The following SIPA1L3 variants were observed in gnomAD, a reference collection of about 807,000 sequenced individuals.
The protein encoded by SIPA1L3 is signal-induced proliferation-associated 1-like protein 3.
Under a neutral mutation model 150.1 loss-of-function variants are expected in SIPA1L3, and 59 were observed. The ratio of observed to expected loss-of-function variants is 0.39; its 90% CI spans 0.32 to 0.49. The LOEUF is 0.49. Among genes scored for constraint, SIPA1L3 ranks in the 20% least tolerant of loss-of-function variants. The pLI is 0.86. For synonymous variants in SIPA1L3, 1,070 were observed against 1,077.6 expected, an observed-to-expected ratio of 0.99 and a Z score of 0.14; for missense variants, 2,211 against 2,489.5, an observed-to-expected ratio of 0.89 and a Z score of 2.38.
chr19:38,004,571 C>T (rs1434922703), intron 1 of SIPA1L3, among the ~76,000 whole-genome samples: 1 of 152,182 alleles, frequency 6.6e-6, no homozygotes, highest in Admixed American at 6.5e-5. Context: ...CTGCCAGGAC[C>T]CGCTCAGGCT....
intron 10 of SIPA1L3, among the ~76,000 whole-genome samples, chr19:38,136,560 C>T (rs2005054): frequency 0.18 from 28,023 of 151,990 alleles, 2,979 homozygotes; most frequent in African/African-American, 0.29. Flanking sequence ...GCCAAGACTG[C>T]GTCACTACAC....
rs71179411 is a variant in SIPA1L3 at position 38,098,392 on chromosome 19, AT to A, written c.1666-1548del. On this transcript the variant is annotated intron_variant, in intron 4 of 21. Coordinates refer to ENST00000222345, the MANE Select transcript of SIPA1L3 (RefSeq NM_015073.3). ...AGTGGGCAGGTGGAAAGGGGCTTTCATTTTTTTTTTTTTTTTTTTTTTGAGA... is the reference window on the plus strand; with the variant it reads ...AGTGGGCAGGTGGAAAGGGGCTTTCATTTTTTTTTTTTTTTTTTTTTGAGA... 6.5e-3 allele frequency among the ~76,000 whole-genome samples: 744 copies of A among 113,674 alleles called. 5 individuals carry two copies. Among genetic ancestry groups the A allele is most frequent in the East Asian group, 0.043 (157 of 3,686 alleles). The allele number at this position is 113,674 out of a possible 152,430, so 74.6% of individuals were successfully genotyped here.
chr19:38,194,702 TG>T (rs1647105495), intron 18 of SIPA1L3, among the ~76,000 whole-genome samples: 2 of 151,996 alleles, frequency 1.3e-5, no homozygotes, highest in African/African-American at 4.8e-5. Flanking sequence ...CTGTGGGGGA[TG>T]GGGTGGAGGA....
At chr19:38,005,974 C>T (rs1003837112) in intron 1 of SIPA1L3, among the ~76,000 whole-genome samples, 5 of 152,152 alleles carry the variant, frequency 3.3e-5, no homozygotes, top group African/African-American at 1.2e-4. Flanking sequence ...CTTAAGCCCC[C>T]GAGGTTGAGC....
chr19:38,181,172 C>T (rs1331965494), intron 15 of SIPA1L3, among the ~76,000 whole-genome samples: 1 of 152,186 alleles, frequency 6.6e-6, no homozygotes, highest in Non-Finnish European at 1.5e-5. Flanking sequence ...ATACATGCTT[C>T]TCAAATTGTT....
chr19:38,072,178 A>G (rs1969736798), intron 2 of SIPA1L3, among the ~76,000 whole-genome samples: 1 of 152,180 alleles, frequency 6.6e-6, no homozygotes, highest in African/African-American at 2.4e-5. Context: ...CCATGTGGCT[A>G]TGAGTTACTT....
intron 1 of SIPA1L3, among the ~76,000 whole-genome samples, chr19:38,001,175 T>A (rs928449710): frequency 2.6e-5 from 4 of 151,870 alleles, no homozygotes; most frequent in African/African-American, 9.7e-5. Flanking sequence ...TACTTCAGAA[T>A]AAAGCTCTCT....
chr19:37,970,428 C>T (rs1966903180), intron 1 of SIPA1L3, among the ~76,000 whole-genome samples: 1 of 152,192 alleles, frequency 6.6e-6, no homozygotes, highest in African/African-American at 2.4e-5. Context: ...CATTTTAATA[C>T]TTGGTTATTG....
Position 37,914,686 on chromosome 19 carries a change from C to CT in SIPA1L3, c.-379+7329dup, listed in dbSNP as rs570054378. Among the ~76,000 whole-genome samples the CT allele has an allele frequency of 9.3e-4, 142 of 152,122 alleles. 1 individual carries two copies. Among genetic ancestry groups the CT allele is most frequent in the African/African-American group, 3.4e-3 (140 of 41,518 alleles). On this transcript the variant is annotated intron_variant, in intron 1 of 21. Transcript: ENST00000222345. Reference sequence around the variant, plus strand: ...GCCACTGCAGCCGGCCACATTTTTTCTATTTTTTGTAGAGACCTGTTTTGC... The same window carrying CT: ...GCCACTGCAGCCGGCCACATTTTTTCTTATTTTTTGTAGAGACCTGTTTTGC...
chr19:38,191,381 C>T (rs529161597), intron 16 of SIPA1L3, among the ~76,000 whole-genome samples: 7 of 149,026 alleles, frequency 4.7e-5, no homozygotes, highest in African/African-American at 1.5e-4. Flanking sequence ...GCCTGGGCAA[C>T]GGAGGAGGCT....
At chr19:38,044,068 G>C (rs1266896210) in intron 2 of SIPA1L3, among the ~76,000 whole-genome samples, 1 of 152,182 alleles carries the variant, frequency 6.6e-6, no homozygotes, top group Non-Finnish European at 1.5e-5. Context: ...GAGTACTGAT[G>C]GCCTGGATGT....
chr19:37,927,958 C>T (rs2046521280), intron 1 of SIPA1L3, among the ~76,000 whole-genome samples: 1 of 152,084 alleles, frequency 6.6e-6, no homozygotes, highest in Admixed American at 6.6e-5. Context: ...TGATGGGCAT[C>T]CGGGTTGATT....
intron 4 of SIPA1L3, among the ~76,000 whole-genome samples, chr19:38,090,850 G>C (rs767025910): frequency 3.3e-5 from 5 of 152,222 alleles, no homozygotes; most frequent in African/African-American, 9.6e-5. Context: ...CCTTCCCACT[G>C]AGTTGGGGGA....
chr19:38,138,365 G>A (rs1166596328), intron 10 of SIPA1L3, among the ~76,000 whole-genome samples: 1 of 152,114 alleles, frequency 6.6e-6, no homozygotes, highest in Non-Finnish European at 1.5e-5. Flanking sequence ...TTTAAAAGGT[G>A]ATGTACTGAT....
intron 4 of SIPA1L3, among the ~76,000 whole-genome samples, chr19:38,098,063 T>C (rs928144272): frequency 2.0e-5 from 3 of 152,246 alleles, no homozygotes; most frequent in South Asian, 2.1e-4. Context: ...CTCCCTTGAA[T>C]AGACCTATAC....
Position 38,119,593 on chromosome 19 carries a change from G to T in SIPA1L3, c.2579G>T (p.Arg860Leu). ...AAGAAGAAGGAAAAGACAAAAGCAC[G>T]GGCTGGCGCTGAGCAGCACAGTGCA... ...TSKKKEKTKA[R>L]AGAEQHSAGA... Residue 860 changes from arginine to leucine, a missense_variant, in exon 9 of 22, where the codon CGG becomes CTG. Arg to Leu is a moderately radical substitution (Grantham distance 102, BLOSUM62 -2). Transcript: ENST00000222345. The T allele has an allele frequency of 1.9e-6, 3 of 1,614,202 alleles. No individual in the cohort carries two copies. The highest frequency in any genetic ancestry group is 2.5e-6 in the Non-Finnish European group (3 of 1,180,048).
At chr19:38,129,096 G>A (rs753172258) in intron 9 of SIPA1L3, among the ~76,000 whole-genome samples, 4 of 152,146 alleles carry the variant, frequency 2.6e-5, no homozygotes, top group Admixed American at 6.6e-5. Flanking sequence ...AGCCATGGCT[G>A]GTTACATTCA....
At chr19:38,016,083 T>TA (rs1968226228) in intron 1 of SIPA1L3, among the ~76,000 whole-genome samples, 2 of 152,132 alleles carry the variant, frequency 1.3e-5, no homozygotes, top group African/African-American at 4.8e-5. Context: ...GGACTTCACT[T>TA]ACAAAATACA....
intron 1 of SIPA1L3, among the ~76,000 whole-genome samples, chr19:37,947,552 A>T (rs1481257993): frequency 1.3e-5 from 2 of 151,798 alleles, no homozygotes; most frequent in Non-Finnish European, 2.9e-5. Flanking sequence ...TATCCTACTG[A>T]CTAAATAATC....
Sources: gnomAD v4.1 joint callset for allele counts (sites outside exome capture counted in the v4.1 genomes callset) on GRCh38, gnomAD v4.1.1 for gene constraint, MANE v1.5 for transcripts, NCBI Gene and HGNC (gene_info 2026-07-23, HGNC 2026-07-21) for gene names.